Variants in FBXW7 observed in about 807,000 individuals in gnomAD.
FBXW7 encodes F-box and WD repeat domain containing 7, also known as F-box/WD repeat-containing protein 7.
Under a neutral mutation model 86.3 loss-of-function variants are expected in FBXW7, and 11 were observed. The observed-to-expected ratio is 0.13, with a 90% CI of 0.08 to 0.21. FBXW7 has a LOEUF of 0.21. FBXW7 is among the 10% of genes least tolerant of loss of function. The probability of loss-of-function intolerance (pLI) is 1.00; values close to 1 mark genes in which losing one functional copy is unlikely to be tolerated. For synonymous variants in FBXW7, 313 were observed against 297.9 expected, an observed-to-expected ratio of 1.05 and a Z score of -0.52; for missense variants, 488 against 847.4, an observed-to-expected ratio of 0.58 and a Z score of 5.27.
intron 4 of FBXW7, among the ~76,000 whole-genome samples, chr4:152,367,479 T>G (rs1190993591): frequency 2.0e-5 from 3 of 152,038 alleles, no homozygotes; most frequent in Non-Finnish European, 2.9e-5. Flanking sequence ...AAATACTAGT[T>G]AATAAAAAAG....
chr4:152,529,377 A>G (rs938489343), intron 2 of FBXW7, among the ~76,000 whole-genome samples: 3 of 152,194 alleles, frequency 2.0e-5, no homozygotes, highest in African/African-American at 7.2e-5. Context: ...AGAAAAATTA[A>G]AAAGTAAATT....
chr4:152,327,225 C>T (rs1439334393), intron 11 of FBXW7, among the ~76,000 whole-genome samples: 1 of 152,014 alleles, frequency 6.6e-6, no homozygotes, highest in African/African-American at 2.4e-5. Flanking sequence ...TCTTGATACT[C>T]ATCCCCCAAA....
chr4:152,445,556 C>T (rs1034999191), intron 2 of FBXW7, among the ~76,000 whole-genome samples: 2 of 152,152 alleles, frequency 1.3e-5, no homozygotes, highest in African/African-American at 4.8e-5. Context: ...CTTCAGTTCT[C>T]TCATCTTTAA....
At chr4:152,452,444 G>C (rs1277740226) in intron 2 of FBXW7, among the ~76,000 whole-genome samples, 2 of 152,128 alleles carry the variant, frequency 1.3e-5, no homozygotes, top group African/African-American at 2.4e-5. Flanking sequence ...AGTATAAAAT[G>C]CTTCTGAATT....
At chr4:152,338,476 C>G (rs1730385198) in intron 6 of FBXW7, among the ~76,000 whole-genome samples, 2 of 151,798 alleles carry the variant, frequency 1.3e-5, no homozygotes, top group Non-Finnish European at 2.9e-5. Context: ...AAAACAAATA[C>G]ACAATAGAAA....
At chr4:152,407,008 T>C (rs1737479439) in intron 4 of FBXW7, among the ~76,000 whole-genome samples, 1 of 152,208 alleles carries the variant, frequency 6.6e-6, no homozygotes, top group African/African-American at 2.4e-5. Flanking sequence ...TCCCAGGCAC[T>C]ATGCTACTTG....
At chr4:152,341,805 G>A (rs1169253858) in intron 6 of FBXW7, among the ~76,000 whole-genome samples, 2 of 152,174 alleles carry the variant, frequency 1.3e-5, no homozygotes, top group Admixed American at 6.5e-5. Context: ...CTATCTACGT[G>A]TGTATGTGTG....
intron 2 of FBXW7, among the ~76,000 whole-genome samples, chr4:152,528,532 A>T (rs1193972836): frequency 1.3e-5 from 2 of 152,238 alleles, no homozygotes; most frequent in South Asian, 4.1e-4. Flanking sequence ...AAATTTAGTT[A>T]AATGTTAAGT....
chr4:152,389,712 T>C (rs1026375466), intron 4 of FBXW7, among the ~76,000 whole-genome samples: 4 of 152,004 alleles, frequency 2.6e-5, no homozygotes, highest in African/African-American at 9.7e-5. Flanking sequence ...CACCACTATG[T>C]AATATATCCA....
At chr4:152,528,938 T>TTGTGTG (rs142822510) in intron 2 of FBXW7, among the ~76,000 whole-genome samples, 2 of 150,044 alleles carry the variant, frequency 1.3e-5, no homozygotes, top group Admixed American at 6.7e-5. Context: ...CATACATACT[T>TTGTGTG]TGTGTGTGTG....
intron 2 of FBXW7, among the ~76,000 whole-genome samples, chr4:152,522,006 G>C (rs1749065538): frequency 6.6e-6 from 1 of 151,248 alleles, no homozygotes; most frequent in South Asian, 2.1e-4. Context: ...TTTTTAGTAA[G>C]GGTCCAATTT....
intron 2 of FBXW7, among the ~76,000 whole-genome samples, chr4:152,529,101 G>A (rs1339729691): frequency 6.6e-6 from 1 of 151,964 alleles, no homozygotes; most frequent in Non-Finnish European, 1.5e-5. Flanking sequence ...ATTTTTCCCT[G>A]GTCCACTCAA....
At chr4:152,438,169 C>T (rs1265700720) in intron 2 of FBXW7, among the ~76,000 whole-genome samples, 5 of 152,040 alleles carry the variant, frequency 3.3e-5, no homozygotes, top group Non-Finnish European at 7.4e-5. Flanking sequence ...GCAAGACTGT[C>T]TCAATAAATA....
At chr4:152,456,980 G>A (rs960957783) in intron 2 of FBXW7, among the ~76,000 whole-genome samples, 1 of 152,050 alleles carries the variant, frequency 6.6e-6, no homozygotes, top group Non-Finnish European at 1.5e-5. Context: ...ACAGCTAAAT[G>A]GAAATGGGCA....
At chr4:152,390,116 T>C (rs1735868540) in intron 4 of FBXW7, among the ~76,000 whole-genome samples, 1 of 151,844 alleles carries the variant, frequency 6.6e-6, no homozygotes, top group Non-Finnish European at 1.5e-5. Flanking sequence ...GTTTATATAT[T>C]TTTTTCCTCT....
At chr4:152,461,531 C>T (rs1274136700) in intron 2 of FBXW7, among the ~76,000 whole-genome samples, 2 of 152,090 alleles carry the variant, frequency 1.3e-5, no homozygotes, top group Non-Finnish European at 1.5e-5. Context: ...TTTCTTTAAT[C>T]CTTTGAACAT....
At chr4:152,452,171 A>G (rs1036626474) in intron 2 of FBXW7, among the ~76,000 whole-genome samples, 3 of 152,210 alleles carry the variant, frequency 2.0e-5, no homozygotes, top group Non-Finnish European at 4.4e-5. Context: ...ATTTTTAAAT[A>G]AATTTAATAA....
chr4:152,529,677 G>C (rs914005015), intron 2 of FBXW7, among the ~76,000 whole-genome samples: 2 of 152,056 alleles, frequency 1.3e-5, no homozygotes, highest in Non-Finnish European at 2.9e-5. Flanking sequence ...TAAAAATATA[G>C]CAATGCTGGC....
At chr4:152,355,973 A>T (rs893776070) in intron 4 of FBXW7, among the ~76,000 whole-genome samples, 8 of 152,188 alleles carry the variant, frequency 5.3e-5, no homozygotes, top group Admixed American at 1.3e-4. Context: ...TAGTGTATAT[A>T]CAGTGAGAAA....
Sources: allele counts gnomAD v4.1 joint callset (sites outside exome capture counted in the v4.1 genomes callset), GRCh38; gene constraint gnomAD v4.1.1; transcripts MANE v1.5; gene names NCBI Gene and HGNC (gene_info 2026-07-23, HGNC 2026-07-21).